Variants in ABL2 observed in about 807,000 individuals in gnomAD.
ABL2 encodes the protein ABL proto-oncogene 2, non-receptor tyrosine kinase.
A neutral mutation model predicts 107.7 loss-of-function variants in ABL2; 49 were observed. The ratio of observed to expected loss-of-function variants is 0.45; its 90% CI spans 0.36 to 0.58. The LOEUF (loss-of-function observed/expected upper bound fraction) is 0.58, where lower values mean the gene tolerates loss of function less well. ABL2 is among the 20% of genes least tolerant of loss of function. The probability of loss-of-function intolerance (pLI) is 0.00; values close to 1 mark genes in which losing one functional copy is unlikely to be tolerated. For synonymous variants in ABL2, 549 were observed against 548.6 expected (o/e 1.00, Z -0.01); for missense variants, 1,245 against 1,457.0 (o/e 0.85, Z 2.37).
chr1:179,190,265 C>A (rs1660923621), intron 1 of ABL2, among the ~76,000 whole-genome samples: 1 of 152,128 alleles, frequency 6.6e-6, no homozygotes, highest in African/African-American at 2.4e-5. Context: ...TTTCCACAAC[C>A]CCCTCCTTGG....
chr1:179,191,157 A>G (rs1660987215), intron 1 of ABL2, among the ~76,000 whole-genome samples: 1 of 152,216 alleles, frequency 6.6e-6, no homozygotes, highest in African/African-American at 2.4e-5. Context: ...TGATGACAGT[A>G]ATGAAATCCT....
intron 3 of ABL2, among the ~76,000 whole-genome samples, chr1:179,130,718 T>C (rs1048333926): frequency 1.4e-5 from 2 of 142,790 alleles, no homozygotes; most frequent in African/African-American, 2.8e-5. Context: ...AATCAATCAT[T>C]ATTGATTTTG....
At position 179,100,682 on chromosome 1, in the gene ABL2, T is replaced by A. The variant is rs1350981733; in HGVS notation, c.*7036A>T. On this transcript the variant is annotated 3_prime_UTR_variant, in exon 12 of 12. Coordinates refer to ENST00000502732, the MANE Select transcript of ABL2 (RefSeq NM_007314.4). ...GAGGGTTCAGCTCAGTAGCCTGGAG[T>A]GACAGGTAGGACCCTGAAAATTTGC... The A allele has an allele frequency of 8.7e-6, 2 of 229,336 alleles. No individual in the cohort carries two copies. The highest frequency in any genetic ancestry group is 1.1e-4 in the Admixed American group (2 of 17,634). 14.2% of individuals were successfully genotyped at this position (229,336 alleles called of 1,614,324 possible). A position where few individuals can be genotyped will look rare whatever the true frequency, so the allele number is the denominator to read the frequency against.
At chr1:179,222,102 C>G (rs527378171) in intron 1 of ABL2, 48 of 181,602 alleles carry the variant, frequency 2.6e-4, no homozygotes, top group African/African-American at 1.1e-3. Flanking sequence ...GCAGATTATG[C>G]TATGGAACAT....
intron 1 of ABL2, 74 bp downstream of exon 1, chr1:179,229,167 T>TCCCCCCCCCCCCCCCC: frequency 5.0e-6 from 2 of 402,572 alleles, no homozygotes; most frequent in Non-Finnish European, 9.3e-6. Flanking sequence ...GGGCAGCCCG[T>TCCCCCCCCCCCCCCCC]CCGCCACCCA....
rs755143940 is a variant in ABL2, at chr1:179,229,343, G to A, written c.55C>T (p.Pro19Ser). The A allele has an allele frequency of 6.3e-7, 1 of 1,579,736 alleles. No homozygotes were observed. The highest frequency in any genetic ancestry group is 8.6e-7 in the Non-Finnish European group (1 of 1,166,552). The change falls in exon 1 of 12, where the codon CCC (proline) becomes TCC (serine). Residue 19 changes from proline (P) to serine (S), a missense_variant. Physicochemically the swap from Pro to Ser is moderately conservative, Grantham distance 74 (BLOSUM62 -1). This residue lies in a region of ABL2 where 164 missense variants were observed against 143.7 expected (regional missense o/e 1.14). Coordinates refer to ENST00000502732, the MANE Select transcript of ABL2 (RefSeq NM_007314.4). ...GEAPGLQQPQ[P>S]RGIRGSSAAR... is the part of the protein sequence containing the mutation. ...GCACTGCTGCCCCGGATCCCGCGGG[G>A]CTGAGGCTGCTGGAGCCCCGGAGCT... is the stretch of plus-strand genomic sequence containing the variant.
intron 1 of ABL2, among the ~76,000 whole-genome samples, chr1:179,157,921 T>G (rs879445465): frequency 6.6e-6 from 1 of 152,160 alleles, no homozygotes; most frequent in Non-Finnish European, 1.5e-5. Flanking sequence ...TTCACCAGGA[T>G]AGCTGGGCCC....
Position 179,108,637 on chromosome 1 carries a change from G to A in ABL2, c.2630C>T (p.Pro877Leu), listed in dbSNP as rs2102576568. ...TGCCACTCCAGCCACTCCCACCCCT[G>A]GAGGGTCCTTCTCTGTAATGGCTAG... ...GDLAITEKDPPGVGVAGVAAA... is the reference protein window; with the variant it reads ...GDLAITEKDPLGVGVAGVAAA... The change falls in exon 12 of 12, where the codon CCA becomes CTA. Residue 877 changes from proline (P) to leucine (L), a missense_variant. Physicochemically the swap from Pro to Leu is moderately conservative, Grantham distance 98 (BLOSUM62 -3). This residue lies in a region of ABL2 where 761 missense variants were observed against 766.4 expected (regional missense o/e 0.99). Transcript: ENST00000502732. 1 of 1,614,192 alleles carries A rather than the reference G, an allele frequency of 6.2e-7. No individual in the cohort carries two copies. The highest frequency in any genetic ancestry group is 1.1e-5 in the South Asian group (1 of 91,086).
In ABL2 at chr1:179,126,795, A is replaced by AT. The variant is rs1195408412; in HGVS notation, c.392-124dup. ...AAAGAATCTAGAACTTTTATGCCAA[A>AT]TTTTTTTTTTAAATAATGAAAACAA... On this transcript the variant is annotated intron_variant, in intron 3 of 11. Transcript: ENST00000502732. The surrounding 1 kb of genome is among the most constrained non-coding windows in gnomAD (Gnocchi z 4.4). 2.7e-3 allele frequency: 2,546 copies of AT among 945,876 alleles called. 1 individual carries two copies. Among genetic ancestry groups the AT allele is most frequent in the East Asian group, 4.3e-3 (134 of 31,420 alleles). The allele number at this position is 945,876 out of a possible 1,614,324, so 58.6% of individuals were successfully genotyped here. A position where few individuals can be genotyped will look rare whatever the true frequency, so the allele number is the denominator to read the frequency against.
At chr1:179,184,431 G>C (rs1660566420) in intron 1 of ABL2, 1 of 1,003,724 alleles carries the variant, frequency 1.0e-6, no homozygotes, top group Non-Finnish European at 1.5e-6. Context: ...TGAGGCACCA[G>C]AGAGCTTCTT....
chr1:179,218,752 C>T (rs1347266295), intron 1 of ABL2, among the ~76,000 whole-genome samples: 2 of 152,198 alleles, frequency 1.3e-5, no homozygotes, highest in African/African-American at 4.8e-5. Flanking sequence ...TGGTCCCCAA[C>T]CAGCAGCACC....
At chr1:179,118,480 CT>C in intron 7 of ABL2, 106 bp downstream of exon 7, 1 of 1,159,474 alleles carries the variant, frequency 8.6e-7, no homozygotes, top group South Asian at 1.5e-5. Context: ...TACAAAATTA[CT>C]TTCTTGAATC....
intron 1 of ABL2, among the ~76,000 whole-genome samples, chr1:179,206,271 A>G (rs1026111785): frequency 9.8e-5 from 15 of 152,348 alleles, no homozygotes; most frequent in Admixed American, 9.8e-4. Context: ...CACAGGATTT[A>G]GCATACAAAA....
At chr1:179,222,253 G>C (rs1462503278) in intron 1 of ABL2, 1 of 152,380 alleles carries the variant, frequency 6.6e-6, no homozygotes, top group Admixed American at 6.5e-5. Flanking sequence ...TTTTGAGACA[G>C]AGTCTTCGCC....
At position 179,227,548 on chromosome 1, in the gene ABL2, G is replaced by A. The variant is rs1280831803; in HGVS notation, c.157+1693C>T. On this transcript the variant is annotated intron_variant, in intron 1 of 11. Coordinates refer to ENST00000502732, the MANE Select transcript of ABL2 (RefSeq NM_007314.4). ...CTTACATACCGAATAAGATAGTAAA[G>A]CAAGAGGATCACCATTGCCTACTAG... Among the ~76,000 whole-genome samples the A allele has an allele frequency of 2.6e-5, 4 of 152,184 alleles. No homozygotes were observed. The East Asian group carries it at 7.7e-4, about 29-fold the overall frequency.
At chr1:179,124,671 G>A (rs1655575622) in intron 4 of ABL2, among the ~76,000 whole-genome samples, 1 of 151,870 alleles carries the variant, frequency 6.6e-6, no homozygotes, top group Non-Finnish European at 1.5e-5. Flanking sequence ...GTTTCACCAT[G>A]TTTGTGGGGC....
At chr1:179,121,335 C>A (rs544617850) in intron 5 of ABL2, among the ~76,000 whole-genome samples, 1 of 152,172 alleles carries the variant, frequency 6.6e-6, no homozygotes, top group East Asian at 1.9e-4. Flanking sequence ...TTTTAATTTG[C>A]TTCTAACCTC....
At position 179,100,541 on chromosome 1, in the gene ABL2, C is replaced by G. The variant is rs1251412378; in HGVS notation, c.*7177G>C. The G allele has an allele frequency of 1.7e-5, 4 of 228,780 alleles. No homozygotes were observed. Among genetic ancestry groups the G allele is most frequent in the Non-Finnish European group, 2.6e-5 (3 of 115,358 alleles). The allele number at this position is 228,780 out of a possible 1,614,324, so 14.2% of individuals were successfully genotyped here. ...TGCCTAATTCCGAAGCAAATTTAAG[C>G]AAGTTCTGACTACACAAACTCCTTA... On this transcript the variant is annotated 3_prime_UTR_variant, in exon 12 of 12. Transcript: ENST00000502732.
intron 1 of ABL2, among the ~76,000 whole-genome samples, chr1:179,180,768 A>G (rs1035674037): frequency 6.6e-6 from 1 of 152,234 alleles, no homozygotes; most frequent in African/African-American, 2.4e-5. Context: ...GAAAAAAACC[A>G]TCTGAAATTT....
Sources: gnomAD v4.1 joint callset for allele counts (sites outside exome capture counted in the v4.1 genomes callset) on GRCh38, gnomAD v4.1.1 for gene constraint, gnomAD v4.1.1 regional missense constraint, Gnocchi (gnomAD v3.1) non-coding constraint, MANE v1.5 for transcripts, NCBI Gene and HGNC (gene_info 2026-07-23, HGNC 2026-07-21) for gene names.